SHCBP1: variants seen among roughly 807,000 people sequenced by gnomAD.
SHCBP1 encodes SHC SH2 domain-binding protein 1.
In SHCBP1, 60 loss-of-function variants were observed where a neutral mutation model predicts 75.1. The ratio of observed to expected loss-of-function variants is 0.80; its 90% CI spans 0.65 to 0.99. The LOEUF is 0.99. SHCBP1 is among the 50% of genes least tolerant of loss of function. SHCBP1 has a pLI of 0.00. For synonymous variants in SHCBP1, 290 were observed against 293.2 expected (o/e 0.99, Z 0.11); for missense variants, 709 against 809.4 (o/e 0.88, Z 1.50).
At chr16:46,591,213 T>C (rs1450977735) in intron 10 of SHCBP1, among the ~76,000 whole-genome samples, 1 of 152,162 alleles carries the variant, frequency 6.6e-6, no homozygotes, top group African/African-American at 2.4e-5. Flanking sequence ...ATATACCTAA[T>C]GTAAATGACG....
intron 10 of SHCBP1, among the ~76,000 whole-genome samples, chr16:46,591,977 C>A (rs547472302): frequency 1.3e-5 from 2 of 151,814 alleles, no homozygotes; most frequent in Non-Finnish European, 2.9e-5. Flanking sequence ...AAGTTTATAG[C>A]ATTAAATGCT....
At chr16:46,598,160 T>G (rs1567446611) in intron 9 of SHCBP1, among the ~76,000 whole-genome samples, 1 of 152,196 alleles carries the variant, frequency 6.6e-6, no homozygotes, top group African/African-American at 2.4e-5. Flanking sequence ...TGTTGAGATT[T>G]TAACCTCCTC....
At chr16:46,583,191 T>C (rs950214530) in intron 12 of SHCBP1, among the ~76,000 whole-genome samples, 73 of 152,156 alleles carry the variant, frequency 4.8e-4, no homozygotes, top group African/African-American at 1.5e-3. Flanking sequence ...ACACCCACCA[T>C]AGCATCACAC....
chr16:46,603,794 G>A (rs144958201), intron 7 of SHCBP1, 135 bp from the exon 8 acceptor site: 31 of 1,311,122 alleles, frequency 2.4e-5, no homozygotes, highest in Middle Eastern at 2.0e-4. Context: ...CTTTGATAGC[G>A]CACTGACCTA....
chr16:46,582,157 T>G, intron 12 of SHCBP1, 103 bp from the exon 13 acceptor site: 1 of 1,210,234 alleles, frequency 8.3e-7, no homozygotes, highest in South Asian at 1.5e-5. Context: ...CCTTGCTTTC[T>G]ATACCAAGGT....
At chr16:46,609,931 C>T (rs1396712589) in intron 4 of SHCBP1, among the ~76,000 whole-genome samples, 2 of 151,632 alleles carry the variant, frequency 1.3e-5, no homozygotes, top group Admixed American at 6.6e-5. Flanking sequence ...CTCTGCTCTC[C>T]TCCCCCACCA....
intron 12 of SHCBP1, 47 bp downstream of exon 12, chr16:46,583,469 T>A (rs773356481): frequency 1.3e-6 from 2 of 1,552,060 alleles, no homozygotes; most frequent in Non-Finnish European, 1.7e-6. Context: ...CATTTAATGC[T>A]GAAATAAATT....
At chr16:46,584,322 C>T (rs1049392511) in intron 10 of SHCBP1, 35 of 320,114 alleles carry the variant, frequency 1.1e-4, no homozygotes, top group East Asian at 9.1e-4. Context: ...CACACACACA[C>T]ACACACACGC....
chr16:46,599,954 G>A lies in SHCBP1; in HGVS notation c.1222C>T (p.Leu408=), dbSNP rs1416516367. The A allele has an allele frequency of 1.9e-6, 3 of 1,612,990 alleles. No individual in the cohort carries two copies. Among genetic ancestry groups the A allele is most frequent in the East Asian group, 2.2e-5 (1 of 44,796 alleles). Residue 408 remains leucine, a synonymous_variant, in exon 9 of 13, where the codon CTA becomes TTA. Coordinates refer to ENST00000303383, the MANE Select transcript of SHCBP1 (RefSeq NM_024745.5). ...ADSIELEGYG[L]PDDIVIEKRG... ...TTTTCTATCACAATGTCATCTGGTA[G>A]GCCATATCCTAAGGAAGAGAGAGCA...
At chr16:46,617,558 A>C in intron 3 of SHCBP1, 76 bp downstream of exon 3, 2 of 1,073,078 alleles carry the variant, frequency 1.9e-6, no homozygotes, top group Non-Finnish European at 2.8e-6. Context: ...ATTAAAAATA[A>C]GCACTTTGGA....
At chr16:46,582,162 C>G in intron 12 of SHCBP1, 108 bp from the exon 13 acceptor site, 2 of 1,162,748 alleles carry the variant, frequency 1.7e-6, no homozygotes, top group Non-Finnish European at 2.4e-6. Context: ...CTTTCTATAC[C>G]AAGGTTCCCT....
Position 46,582,074 on chromosome 16 carries a change from A to G in SHCBP1, c.1694-20T>C. The G allele has an allele frequency of 6.3e-7, 1 of 1,580,172 alleles. No individual in the cohort carries two copies. ...TATTTTCTGGAGAAACAAACAAATA[A>G]TAACAAAGTTAAATATACAAGCTAA... is the stretch of plus-strand genomic sequence containing the variant. On this transcript the variant is annotated intron_variant, in intron 12 of 12. Coordinates refer to ENST00000303383, the MANE Select transcript of SHCBP1 (RefSeq NM_024745.5).
rs139554699 is a variant in SHCBP1 at position 46,618,296 on chromosome 16, C to T, written c.180G>A (p.Met60Ile). 6.2e-7 allele frequency: 1 copy of T among 1,613,240 alleles called. No individual in the cohort carries two copies. Among genetic ancestry groups the T allele is most frequent in the African/African-American group, 1.3e-5 (1 of 74,738 alleles). ...DKPGSSLQSF[M>I]PEGKTFFPEI... Reference sequence around the variant, plus strand: ...CTGGGAAAAAGGTTTTTCCTTCTGGCATAAAACTTTGTAAACTAGAACCTG... The same window carrying T: ...CTGGGAAAAAGGTTTTTCCTTCTGGTATAAAACTTTGTAAACTAGAACCTG... The change falls in exon 2 of 13, where the codon ATG (methionine) becomes ATA (isoleucine). Residue 60 changes from methionine (M) to isoleucine (I), a missense_variant. Coordinates refer to ENST00000303383, the MANE Select transcript of SHCBP1 (RefSeq NM_024745.5).
At position 46,609,862 on chromosome 16, in the gene SHCBP1, G is replaced by C. The variant is rs537039400; in HGVS notation, c.597-1473C>G. Among the ~76,000 whole-genome samples, 9 of 152,048 alleles carry C rather than the reference G, an allele frequency of 5.9e-5. No homozygotes were observed. The East Asian group carries it at 1.7e-3, about 29-fold the overall frequency. ...GTATGATGAATACCATGTATCATGA[G>C]GCAGCTTCAACAATTACCAACTCAC... On this transcript the variant is annotated intron_variant, in intron 4 of 12. Coordinates refer to ENST00000303383, the MANE Select transcript of SHCBP1 (RefSeq NM_024745.5).
chr16:46,608,978 A>G (rs1467871912), intron 4 of SHCBP1, among the ~76,000 whole-genome samples: 1 of 152,184 alleles, frequency 6.6e-6, no homozygotes, highest in African/African-American at 2.4e-5. Context: ...TTGAGACAAA[A>G]AACACTGAGA....
At chr16:46,597,905 T>C (rs1225209431) in intron 9 of SHCBP1, among the ~76,000 whole-genome samples, 1 of 152,180 alleles carries the variant, frequency 6.6e-6, no homozygotes, top group Non-Finnish European at 1.5e-5. Context: ...CACAGCATCC[T>C]CCCCAGGAAA....
At position 46,621,350 on chromosome 16, in the gene SHCBP1, C is replaced by A. The variant is rs759988033; in HGVS notation, c.10G>T (p.Gly4Trp). ...TCCAGACCGCCGCCCGTCAGCGACC[C>A]GTCAGCCATTTCAAATTTCCGCGGA... The part of the protein sequence containing the change: MAD[G>W]SLTGGGLEAA... Residue 4 changes from glycine to tryptophan, a missense_variant, in exon 1 of 13, where the codon GGG becomes TGG. By Grantham distance (184) the Gly-to-Trp change is radical. Coordinates refer to ENST00000303383, the MANE Select transcript of SHCBP1 (RefSeq NM_024745.5). 3 of 1,610,946 alleles carry A rather than the reference C, an allele frequency of 1.9e-6. No individual in the cohort carries two copies. The highest frequency in any genetic ancestry group is 2.5e-6 in the Non-Finnish European group (3 of 1,178,822).
Position 46,581,413 on chromosome 16 carries a change from C to T in SHCBP1, c.*316G>A, listed in dbSNP as rs1964868774. 3.6e-6 allele frequency: 1 copy of T among 281,688 alleles called. No individual in the cohort carries two copies. The allele number at this position is 281,688 out of a possible 1,614,324, so 17.4% of individuals were successfully genotyped here. A position where few individuals can be genotyped will look rare whatever the true frequency, so the allele number is the denominator to read the frequency against. ...TGCATTCCCTTCCTTACTTCCTCGTCTTTGAAGTGCTAAAGGTAATTACAC... is the reference window on the plus strand; with the variant it reads ...TGCATTCCCTTCCTTACTTCCTCGTTTTTGAAGTGCTAAAGGTAATTACAC... On this transcript the variant is annotated 3_prime_UTR_variant, in exon 13 of 13. Coordinates refer to ENST00000303383, the MANE Select transcript of SHCBP1 (RefSeq NM_024745.5).
In SHCBP1 at chr16:46,614,868, T is replaced by TA. The variant is rs200629113; in HGVS notation, c.596+1077dup. Reference sequence around the variant, plus strand: ...CCAATTAAGAATCCCCTACTTTTGTTAACATTTGTGAAAACCAAGTAAAAG... The same window carrying TA: ...CCAATTAAGAATCCCCTACTTTTGTTAAACATTTGTGAAAACCAAGTAAAAG... On this transcript the variant is annotated intron_variant, in intron 4 of 12. Coordinates refer to ENST00000303383, the MANE Select transcript of SHCBP1 (RefSeq NM_024745.5). Among the ~76,000 whole-genome samples, 993 of 152,370 alleles carry TA rather than the reference T, an allele frequency of 6.5e-3. 15 individuals carry two copies. The highest frequency in any genetic ancestry group is 0.022 in the African/African-American group (920 of 41,594).
Sources: gnomAD v4.1 joint callset for allele counts (sites outside exome capture counted in the v4.1 genomes callset) on GRCh38, gnomAD v4.1.1 for gene constraint, MANE v1.5 for transcripts, NCBI Gene and HGNC (gene_info 2026-07-23, HGNC 2026-07-21) for gene names.